DDX42: variants seen among roughly 807,000 people sequenced by gnomAD.
The protein encoded by DDX42 is DEAD-box helicase 42.
In DDX42, 22 loss-of-function variants were observed where a neutral mutation model predicts 101.5. That is an observed-to-expected ratio of 0.22 (90% CI 0.15 to 0.31). The LOEUF (loss-of-function observed/expected upper bound fraction) is 0.31, where lower values mean the gene tolerates loss of function less well. Among genes scored for constraint, DDX42 ranks in the 10% least tolerant of loss-of-function variants. DDX42 has a pLI of 1.00. For synonymous variants in DDX42, 402 were observed against 401.2 expected, an observed-to-expected ratio of 1.00 and a Z score of -0.02; for missense variants, 849 against 1,199.9, an observed-to-expected ratio of 0.71 and a Z score of 4.32.
rs182283446 is a variant in DDX42 at position 63,778,966 on chromosome 17, C to T, written c.-17+4590C>T. ...AGGTGGAGATGGAAAGGCGGGTATA[C>T]GTGAGGGATGTCCCTCATAGTACTG... On this transcript the variant is annotated intron_variant, in intron 1 of 17. Transcript: ENST00000389924. Among the ~76,000 whole-genome samples the T allele has an allele frequency of 3.9e-5, 6 of 152,102 alleles. No individual in the cohort carries two copies. The East Asian group carries it at 9.7e-4, about 24-fold the overall frequency.
chr17:63,775,479 G>A (rs2039409292), intron 1 of DDX42, among the ~76,000 whole-genome samples: 1 of 152,182 alleles, frequency 6.6e-6, no homozygotes, highest in African/African-American at 2.4e-5. Flanking sequence ...GCTGGAAAGG[G>A]GGTTGGGGAG....
Position 63,818,647 on chromosome 17 carries a change from G to T in DDX42, c.*249G>T. ...TGGCTCTAGGTGAGTTGTCATGTGG[G>T]TAAGTTGAGGTTATCTTGGGATAAA... is the stretch of plus-strand genomic sequence containing the variant. On this transcript the variant is annotated 3_prime_UTR_variant, in exon 18 of 18. Transcript: ENST00000389924. The T allele has an allele frequency of 2.3e-6, 1 of 439,858 alleles. No individual in the cohort carries two copies. The highest frequency in any genetic ancestry group is 4.1e-6 in the Non-Finnish European group (1 of 242,982). The allele number at this position is 439,858 out of a possible 1,614,324, so 27.2% of individuals were successfully genotyped here.
chr17:63,780,224 A>C (rs2039470468), intron 1 of DDX42, among the ~76,000 whole-genome samples: 1 of 151,906 alleles, frequency 6.6e-6, no homozygotes, highest in African/African-American at 2.4e-5. Context: ...TCAACCTGGG[A>C]GGCGGAGGTT....
At chr17:63,803,164 C>A (rs191532869) in intron 6 of DDX42, among the ~76,000 whole-genome samples, 1 of 152,044 alleles carries the variant, frequency 6.6e-6, no homozygotes, top group Non-Finnish European at 1.5e-5. Flanking sequence ...AAGCTCAACT[C>A]AAAATACATG....
chr17:63,792,516 C>G lies in DDX42; in HGVS notation c.326C>G (p.Ser109Cys). 6.2e-7 allele frequency: 1 copy of G among 1,613,828 alleles called. No individual in the cohort carries two copies. Among genetic ancestry groups the G allele is most frequent in the Non-Finnish European group, 8.5e-7 (1 of 1,179,872 alleles). Residue 109 changes from serine to cysteine, a missense_variant, in exon 3 of 18, where the codon TCT (serine) becomes TGT (cysteine). By Grantham distance (112) the Ser-to-Cys change is moderately radical. Coordinates refer to ENST00000389924, the MANE Select transcript of DDX42 (RefSeq NM_203499.3). ...RQQFHSKPVD[S>C]DSDDDPLEAF... ...CAATTCCATTCCAAGCCAGTAGATT[C>G]TGACAGCGATGATGATCCCTTGGAG...
Position 63,807,698 on chromosome 17 carries a change from G to A in DDX42, c.847-26G>A. ...ACATCTTTAGAATTGAAATTTTAGA[G>A]TGGTTATATTTTACTTTTTCTCCAG... On this transcript the variant is annotated intron_variant, in intron 8 of 17. Transcript: ENST00000389924. 3 of 1,589,964 alleles carry A rather than the reference G, an allele frequency of 1.9e-6. No homozygotes were observed. The South Asian group carries it at 3.4e-5, about 18-fold the overall frequency.
intron 16 of DDX42, among the ~76,000 whole-genome samples, chr17:63,816,357 A>G (rs1040477801): frequency 2.0e-5 from 3 of 152,344 alleles, no homozygotes; most frequent in African/African-American, 7.2e-5. Flanking sequence ...TTTATTGAGC[A>G]CTTTATATGT....
chr17:63,778,682 C>T (rs886829470), intron 1 of DDX42, among the ~76,000 whole-genome samples: 1 of 151,872 alleles, frequency 6.6e-6, no homozygotes, highest in African/African-American at 2.4e-5. Flanking sequence ...GCTCTGTTAT[C>T]CAGGCTGGAG....
chr17:63,812,768 T>C (rs899750623), intron 14 of DDX42, among the ~76,000 whole-genome samples: 29 of 152,146 alleles, frequency 1.9e-4, no homozygotes, highest in African/African-American at 6.5e-4. Context: ...CTCACACCTG[T>C]AATCCCAGCA....
intron 16 of DDX42, 120 bp from the exon 17 acceptor site, chr17:63,816,748 C>G: frequency 1.6e-6 from 1 of 613,554 alleles, no homozygotes; most frequent in Non-Finnish European, 2.6e-6. Flanking sequence ...TAGCAGCTTT[C>G]TAAAAGTATC....
At chr17:63,792,229 A>G (rs2039636962) in intron 2 of DDX42, among the ~76,000 whole-genome samples, 183 bp from the exon 3 acceptor site, 1 of 152,106 alleles carries the variant, frequency 6.6e-6, no homozygotes, top group African/African-American at 2.4e-5. Flanking sequence ...TAATATTGAA[A>G]TTTTGCATGT....
chr17:63,809,791 A>C, intron 11 of DDX42, 132 bp downstream of exon 11: 1 of 646,168 alleles, frequency 1.5e-6, no homozygotes, highest in East Asian at 2.7e-5. Flanking sequence ...CTATAGAAAT[A>C]TAGCTAAGAT....
chr17:63,812,108 T>C lies in DDX42; in HGVS notation c.1575T>C (p.Leu525=). The C allele has an allele frequency of 6.2e-7, 1 of 1,614,238 alleles. No individual in the cohort carries two copies. Among genetic ancestry groups the C allele is most frequent in the African/African-American group, 1.3e-5 (1 of 75,054 alleles). Residue 525 remains leucine (L), a synonymous_variant, in exon 14 of 18, where the codon CTT becomes CTC. Transcript: ENST00000389924. ...ANNLKQEGHN[L]GLLHGDMDQS... ...ACCTTAAACAGGAGGGTCATAATCT[T>C]GGGCTGCTCCATGGGGATATGGATC...
chr17:63,779,030 A>G (rs1021650880), intron 1 of DDX42, among the ~76,000 whole-genome samples: 1 of 152,218 alleles, frequency 6.6e-6, no homozygotes, highest in African/African-American at 2.4e-5. Flanking sequence ...TGGTCAGTAT[A>G]AAACAATGGA....
chr17:63,775,580 T>C (rs2039410798), intron 1 of DDX42, among the ~76,000 whole-genome samples: 1 of 152,164 alleles, frequency 6.6e-6, no homozygotes, highest in African/African-American at 2.4e-5. Context: ...AGTGAGAGCC[T>C]ACGTTTATCT....
At chr17:63,805,022 A>G in intron 6 of DDX42, 49 bp from the exon 7 acceptor site, 1 of 1,554,626 alleles carries the variant, frequency 6.4e-7, no homozygotes. Context: ...TCAAACTTAC[A>G]GAATTGACTC....
In DDX42 at chr17:63,783,883, C is replaced by T. The variant is rs140990525; in HGVS notation, c.-16-3151C>T. On this transcript the variant is annotated intron_variant, in intron 1 of 17. Transcript: ENST00000389924. The stretch of plus-strand genomic sequence containing the variant: ...TACAAGACCAGCCTGCCTAACATAA[C>T]GAAACCCCATCTCTACTAAAAATAC... 6.1e-3 allele frequency among the ~76,000 whole-genome samples: 927 copies of T among 152,002 alleles called. 6 individuals are homozygous for T. The highest frequency in any genetic ancestry group is 0.02 in the African/African-American group (830 of 41,438).
At chr17:63,796,241 G>A (rs893629942) in intron 3 of DDX42, among the ~76,000 whole-genome samples, 1 of 152,160 alleles carries the variant, frequency 6.6e-6, no homozygotes, top group Non-Finnish European at 1.5e-5. Context: ...ATTTATGGTA[G>A]TACAAACTGG....
At chr17:63,785,193 G>C (rs569163639) in intron 1 of DDX42, among the ~76,000 whole-genome samples, 1 of 152,120 alleles carries the variant, frequency 6.6e-6, no homozygotes, top group Non-Finnish European at 1.5e-5. Flanking sequence ...GGGGGGCCAG[G>C]TGCAGGGGCT....
Sources: allele counts gnomAD v4.1 joint callset (sites outside exome capture counted in the v4.1 genomes callset), GRCh38; gene constraint gnomAD v4.1.1; transcripts MANE v1.5; gene names NCBI Gene and HGNC (gene_info 2026-07-23, HGNC 2026-07-21).